The following SH3GL2 variants were observed in gnomAD, a reference collection of about 807,000 sequenced individuals.
The protein encoded by SH3GL2 is endophilin-A1.
A neutral mutation model predicts 46.0 loss-of-function variants in SH3GL2; 24 were observed. The observed-to-expected ratio is 0.52, with a 90% CI of 0.38 to 0.73. The LOEUF is 0.73. Ranked by LOEUF, SH3GL2 falls within the 30% of genes least tolerant of loss-of-function variation. The probability of loss-of-function intolerance (pLI) is 0.00; values close to 1 mark genes in which losing one functional copy is unlikely to be tolerated. For synonymous variants in SH3GL2, 196 were observed against 147.1 expected (o/e 1.33, Z -2.40); for missense variants, 413 against 424.2 (o/e 0.97, Z 0.23).
At chr9:17,664,124 C>G (rs572654160) in intron 1 of SH3GL2, among the ~76,000 whole-genome samples, 1 of 152,246 alleles carries the variant, frequency 6.6e-6, no homozygotes, top group African/African-American at 2.4e-5. Flanking sequence ...TAATTCAGTA[C>G]GCCTAAGTGA....
At chr9:17,742,824 A>T (rs182997795) in intron 1 of SH3GL2, among the ~76,000 whole-genome samples, 3 of 152,358 alleles carry the variant, frequency 2.0e-5, no homozygotes, top group African/African-American at 7.2e-5. Context: ...TTTAAATGGT[A>T]CAGGAGAGTT....
At chr9:17,666,322 A>G (rs1460695060) in intron 1 of SH3GL2, among the ~76,000 whole-genome samples, 3 of 151,932 alleles carry the variant, frequency 2.0e-5, no homozygotes, top group African/African-American at 4.8e-5. Flanking sequence ...ATTTATTTGG[A>G]TATATGAAAC....
At position 17,638,018 on chromosome 9, in the gene SH3GL2, A is replaced by G. The variant is rs1472640900; in HGVS notation, c.45+58731A>G. On this transcript the variant is annotated intron_variant, in intron 1 of 8. Transcript: ENST00000380607. ...AAAAATACAGAAAAATTAGCCGGGC[A>G]TGGTGGCAGGCGCCTGTAGTCCCAG... Among the ~76,000 whole-genome samples the G allele has an allele frequency of 3.9e-5, 6 of 152,012 alleles. No homozygotes were observed. In the South Asian group the frequency reaches 8.3e-4, roughly 21 times the overall value.
At chr9:17,679,206 C>T (rs988756295) in intron 1 of SH3GL2, among the ~76,000 whole-genome samples, 11 of 152,000 alleles carry the variant, frequency 7.2e-5, no homozygotes, top group African/African-American at 1.9e-4. Context: ...GCATTGAATC[C>T]ATAAATTACC....
chr9:17,783,395 G>A (rs1381894926), intron 3 of SH3GL2, among the ~76,000 whole-genome samples: 1 of 151,310 alleles, frequency 6.6e-6, no homozygotes, highest in African/African-American at 2.4e-5. Flanking sequence ...CACTAGATAA[G>A]TAGCTGTAGG....
intron 1 of SH3GL2, among the ~76,000 whole-genome samples, chr9:17,628,093 G>A (rs181752766): frequency 1.3e-4 from 20 of 152,290 alleles, no homozygotes; most frequent in African/African-American, 4.6e-4. Flanking sequence ...TATCTGAGAC[G>A]TGACTGTGAG....
intron 1 of SH3GL2, among the ~76,000 whole-genome samples, chr9:17,612,189 AAGGAAC>A (rs908723277): frequency 8.5e-5 from 13 of 152,138 alleles, no homozygotes; most frequent in East Asian, 3.9e-4. Context: ...CTGTGCACAG[AAGGAAC>A]AGGAACAGGA....
chr9:17,786,384 C>A lies in SH3GL2; in HGVS notation c.191C>A (p.Ser64Tyr). ...TIEYLQPNPA[S>Y]RAKLSMINTM... ...CTTGTTCTCTCTTCACCTTCAGCTT[C>A]CAGAGCTAAGCTCAGCATGATCAAC... Residue 64 changes from serine (S) to tyrosine (Y), a missense_variant, in exon 4 of 9, where the codon TCC becomes TAC. Ser to Tyr is a moderately radical substitution (Grantham distance 144). Around this residue, in one of 3 missense-constraint regions of SH3GL2, gnomAD observed 160 missense variants for 192.3 expected, o/e 0.83. Transcript: ENST00000380607. 6.2e-7 allele frequency: 1 copy of A among 1,606,944 alleles called. No individual in the cohort carries two copies. Among genetic ancestry groups the A allele is most frequent in the South Asian group, 1.1e-5 (1 of 90,126 alleles).
intron 1 of SH3GL2, among the ~76,000 whole-genome samples, chr9:17,598,198 C>A (rs1330965779): frequency 6.6e-6 from 1 of 152,020 alleles, no homozygotes; most frequent in Non-Finnish European, 1.5e-5. Flanking sequence ...TGACGTCATT[C>A]AAAAAGTGAA....
At chr9:17,650,210 T>C (rs1819921451) in intron 1 of SH3GL2, among the ~76,000 whole-genome samples, 1 of 152,200 alleles carries the variant, frequency 6.6e-6, no homozygotes, top group Admixed American at 6.5e-5. Flanking sequence ...GTAAGTGAAA[T>C]GTGAGTATTG....
Position 17,728,527 on chromosome 9 carries a change from G to A in SH3GL2, c.46-18539G>A, listed in dbSNP as rs150619520. On this transcript the variant is annotated intron_variant, in intron 1 of 8. Transcript: ENST00000380607. The stretch of plus-strand genomic sequence containing the variant: ...GTTCTGGGATACATGTGCAGAACGT[G>A]CAGGTTTGTTACATAGGTATACATG... Among the ~76,000 whole-genome samples the A allele has an allele frequency of 2.3e-3, 355 of 152,196 alleles. 2 individuals carry two copies. Among genetic ancestry groups the A allele is most frequent in the African/African-American group, 8.2e-3 (339 of 41,540 alleles).
At chr9:17,681,888 A>G (rs139709801) in intron 1 of SH3GL2, among the ~76,000 whole-genome samples, 2 of 152,218 alleles carry the variant, frequency 1.3e-5, no homozygotes, top group African/African-American at 2.4e-5. Flanking sequence ...TAGGCAAAGG[A>G]TATGAACAGA....
At chr9:17,761,393 G>A in intron 2 of SH3GL2, 44 bp from the exon 3 acceptor site, 1 of 1,238,942 alleles carries the variant, frequency 8.1e-7, no homozygotes, top group South Asian at 1.2e-5. Flanking sequence ...GTATTCTAAA[G>A]CTCATCATTT....
intron 1 of SH3GL2, among the ~76,000 whole-genome samples, chr9:17,635,133 G>T (rs1297569513): frequency 6.6e-6 from 1 of 152,038 alleles, no homozygotes; most frequent in Non-Finnish European, 1.5e-5. Context: ...TCTTCTCCCT[G>T]CCCACACCTA....
intron 1 of SH3GL2, among the ~76,000 whole-genome samples, chr9:17,707,734 A>T (rs1821508470): frequency 6.6e-6 from 1 of 152,082 alleles, no homozygotes; most frequent in Non-Finnish European, 1.5e-5. Context: ...GACACTTTAC[A>T]GCTATTAGAC....
At chr9:17,675,489 A>C (rs1820582516) in intron 1 of SH3GL2, among the ~76,000 whole-genome samples, 1 of 152,200 alleles carries the variant, frequency 6.6e-6, no homozygotes, top group South Asian at 2.1e-4. Flanking sequence ...GTCTGAAAAG[A>C]ATGCATTGAT....
At chr9:17,609,247 T>C (rs987963925) in intron 1 of SH3GL2, among the ~76,000 whole-genome samples, 2 of 152,140 alleles carry the variant, frequency 1.3e-5, no homozygotes, top group African/African-American at 4.8e-5. Flanking sequence ...CTGTAAGAGG[T>C]ATAATTAGAG....
intron 1 of SH3GL2, 63 bp downstream of exon 1, chr9:17,579,350 G>T: frequency 8.3e-7 from 1 of 1,211,046 alleles, no homozygotes; most frequent in Non-Finnish European, 1.1e-6. Flanking sequence ...GGCGCGCTCG[G>T]CGCTGGCCGT....
chr9:17,666,276 C>A (rs147231467), intron 1 of SH3GL2, among the ~76,000 whole-genome samples: 2,027 of 151,838 alleles, frequency 0.013, 47 homozygotes, highest in African/African-American at 0.047. Flanking sequence ...CTGTTGTATT[C>A]CTTTTACCAT....
Sources: gnomAD v4.1 joint callset for allele counts (sites outside exome capture counted in the v4.1 genomes callset) on GRCh38, gnomAD v4.1.1 for gene constraint, gnomAD v4.1.1 regional missense constraint, MANE v1.5 for transcripts, NCBI Gene and HGNC (gene_info 2026-07-23, HGNC 2026-07-21) for gene names.